SOX5: variants seen among roughly 807,000 people sequenced by gnomAD.
The protein encoded by SOX5 is transcription factor SOX-5.
SOX5 carries 9 observed loss-of-function variants against 92.0 expected under a neutral mutation model. The ratio of observed to expected loss-of-function variants is 0.10; its 90% CI spans 0.06 to 0.17. SOX5 has a LOEUF of 0.17. SOX5 is among the 10% of genes least tolerant of loss of function. SOX5 has a pLI of 1.00. For synonymous variants in SOX5, 344 were observed against 336.3 expected (o/e 1.02, Z -0.25); for missense variants, 642 against 944.5 (o/e 0.68, Z 4.20).
chr12:24,109,056 T>C (rs1232014074), intron 4 of SOX5, among the ~76,000 whole-genome samples: 1 of 152,184 alleles, frequency 6.6e-6, no homozygotes, highest in East Asian at 1.9e-4. Context: ...ATTTGAAACC[T>C]GCAGACCTAA....
intron 3 of SOX5, among the ~76,000 whole-genome samples, chr12:24,225,080 T>C (rs1005253168): frequency 1.3e-5 from 2 of 152,216 alleles, no homozygotes; most frequent in African/African-American, 4.8e-5. Flanking sequence ...ACACAGTAGG[T>C]ATCCATACAT....
chr12:24,163,551 C>T (rs1953023083), intron 4 of SOX5, among the ~76,000 whole-genome samples: 1 of 146,860 alleles, frequency 6.8e-6, no homozygotes, highest in African/African-American at 2.5e-5. Context: ...TCTACAATCT[C>T]TGCCTTATAG....
intron 3 of SOX5, among the ~76,000 whole-genome samples, chr12:23,832,245 T>A (rs766344305): frequency 9.9e-5 from 15 of 151,916 alleles, no homozygotes; most frequent in South Asian, 2.1e-4. Context: ...AAAAAAAAAA[T>A]TTTGGAAAGT....
chr12:23,977,439 G>T (rs763369888), intron 4 of SOX5, among the ~76,000 whole-genome samples: 2 of 152,130 alleles, frequency 1.3e-5, no homozygotes, highest in Non-Finnish European at 2.9e-5. Context: ...GGAGGCCAAG[G>T]TTGGCAAATC....
chr12:24,188,235 G>A (rs979297652), intron 4 of SOX5, among the ~76,000 whole-genome samples: 1 of 152,160 alleles, frequency 6.6e-6, no homozygotes, highest in Non-Finnish European at 1.5e-5. Flanking sequence ...GAGTTAGGTA[G>A]CATGAGAACA....
At chr12:24,184,754 G>A (rs1162006730) in intron 4 of SOX5, among the ~76,000 whole-genome samples, 2 of 152,026 alleles carry the variant, frequency 1.3e-5, no homozygotes, top group Non-Finnish European at 1.5e-5. Context: ...TGTTTGAGGA[G>A]TATCCCAGAA....
rs79043955 is a variant in SOX5, at chr12:24,520,694, A to T, written c.-251+41635T>A. On this transcript the variant is annotated intron_variant, in intron 1 of 4. Coordinates refer to the SOX5 transcript ENST00000446891. Reference sequence around the variant, plus strand: ...GTTAAATTCACCAATGAAAAGGCACAGAGTGTCTGAATCGATAGAAAAAAA... The same window carrying T: ...GTTAAATTCACCAATGAAAAGGCACTGAGTGTCTGAATCGATAGAAAAAAA... Among the ~76,000 whole-genome samples the T allele has an allele frequency of 5.3e-5, 8 of 152,294 alleles. No homozygotes were observed. In the East Asian group the frequency reaches 1.2e-3, roughly 22 times the overall value.
At chr12:24,548,004 TA>T (rs1238813955) in intron 1 of SOX5, among the ~76,000 whole-genome samples, 1 of 152,248 alleles carries the variant, frequency 6.6e-6, no homozygotes, top group Non-Finnish European at 1.5e-5. Context: ...CATAAACTGC[TA>T]TTGTATGCTG....
intron 3 of SOX5, among the ~76,000 whole-genome samples, chr12:23,760,673 A>T (rs1291607900): frequency 6.6e-6 from 1 of 152,016 alleles, no homozygotes; most frequent in African/African-American, 2.4e-5. Flanking sequence ...GGGCCTGCTC[A>T]TTCCCTATAA....
intron 4 of SOX5, among the ~76,000 whole-genome samples, chr12:24,023,567 G>A (rs1017212155): frequency 6.6e-6 from 1 of 152,018 alleles, no homozygotes; most frequent in Non-Finnish European, 1.5e-5. Flanking sequence ...CAAAATAAGT[G>A]ACCAACTTAA....
intron 4 of SOX5, among the ~76,000 whole-genome samples, chr12:24,032,977 A>G (rs939083139): frequency 2.0e-5 from 3 of 151,896 alleles, no homozygotes; most frequent in Non-Finnish European, 2.9e-5. Context: ...GGGATTCTCA[A>G]ACTGGAAGTT....
At chr12:24,215,896 A>T (rs144001215) in intron 3 of SOX5, among the ~76,000 whole-genome samples, 3 of 152,350 alleles carry the variant, frequency 2.0e-5, no homozygotes, top group African/African-American at 4.8e-5. Flanking sequence ...TACTGGTATA[A>T]GGATGCACAT....
chr12:24,424,810 G>GGT lies in SOX5; in HGVS notation c.-250-56172_-250-56171insAC, dbSNP rs996619977. Among the ~76,000 whole-genome samples the GGT allele has an allele frequency of 2.1e-4, 32 of 148,902 alleles. 1 individual carries two copies. In the East Asian group the frequency reaches 5.7e-3, roughly 26 times the overall value. On this transcript the variant is annotated intron_variant, in intron 1 of 4. Coordinates refer to the SOX5 transcript ENST00000446891. Reference sequence around the variant, plus strand: ...CTTTTCTTTGTGAGTTTTTTTTTTGGGGGGGGGGGATGGCTGTTTTTCCCC... The same window carrying GGT: ...CTTTTCTTTGTGAGTTTTTTTTTTGGGTGGGGGGGGGATGGCTGTTTTTCCCC...
chr12:23,856,779 T>C (rs1384563205), intron 2 of SOX5, among the ~76,000 whole-genome samples: 1 of 152,068 alleles, frequency 6.6e-6, no homozygotes, highest in Non-Finnish European at 1.5e-5. Context: ...ATTTTTAGAG[T>C]AGCAAATTAT....
chr12:23,789,272 G>A (rs574250652), intron 3 of SOX5, among the ~76,000 whole-genome samples: 1 of 151,642 alleles, frequency 6.6e-6, no homozygotes, highest in South Asian at 2.1e-4. Context: ...CATTTTCAAA[G>A]GCCATCTTGC....
intron 1 of SOX5, among the ~76,000 whole-genome samples, chr12:24,381,070 G>C (rs1411222502): frequency 6.6e-6 from 1 of 152,182 alleles, no homozygotes; most frequent in Admixed American, 6.5e-5. Flanking sequence ...TGTGGCCTAC[G>C]GAGGGCATGC....
intron 6 of SOX5, among the ~76,000 whole-genome samples, chr12:23,675,878 T>C (rs907114553): frequency 6.6e-6 from 1 of 152,062 alleles, no homozygotes; most frequent in African/African-American, 2.4e-5. Flanking sequence ...AACATAAAAA[T>C]GGCCAATAGG....
In SOX5 at chr12:24,341,004, C is replaced by A. The variant is rs905699716; in HGVS notation, c.-174+27559G>T. Among the ~76,000 whole-genome samples, 5 of 152,120 alleles carry A rather than the reference C, an allele frequency of 3.3e-5. No individual in the cohort carries two copies. The South Asian group carries it at 1.0e-3, about 32-fold the overall frequency. On this transcript the variant is annotated intron_variant, in intron 2 of 4. Transcript: ENST00000446891. ...TAACAGCCATCTGGGCAACCACATA[C>A]CAATTTCTTGCATTTTTTGGTTCTT...
intron 3 of SOX5, among the ~76,000 whole-genome samples, chr12:23,791,542 C>T (rs759808819): frequency 5.6e-4 from 85 of 152,128 alleles, no homozygotes; most frequent in Non-Finnish European, 1.1e-3. Context: ...AGGTATCCTG[C>T]AGACATAAAG....
Sources: gnomAD v4.1 joint callset for allele counts (sites outside exome capture counted in the v4.1 genomes callset) on GRCh38, gnomAD v4.1.1 for gene constraint, MANE v1.5 for transcripts, NCBI Gene and HGNC (gene_info 2026-07-23, HGNC 2026-07-21) for gene names.